The following OSGIN2 variants were observed in gnomAD, a reference collection of about 807,000 sequenced individuals.
OSGIN2 encodes the protein oxidative stress induced growth inhibitor family member 2.
In OSGIN2, 19 loss-of-function variants were observed where a neutral mutation model predicts 53.8. The observed-to-expected ratio is 0.35, with a 90% confidence interval of 0.25 to 0.52. The LOEUF (loss-of-function observed/expected upper bound fraction) is 0.52. Ranked by LOEUF, OSGIN2 falls within the 20% of genes least tolerant of loss-of-function variation. OSGIN2 has a pLI of 0.95. For missense variants in OSGIN2, 520 were observed against 662.7 expected (o/e 0.78, Z 2.36); for synonymous variants, 236 against 236.0 (o/e 1.00, Z 0.00).
At position 89,925,490 on chromosome 8, in the gene OSGIN2, G is replaced by A. The variant is rs1361204428; in HGVS notation, c.1608G>A (p.Lys536=). ...GTTTAGCTACAAGACAGAAGAAAAAGCATTTGTTTGTTGAAAGAGGAGGAG... is the reference window on the plus strand; with the variant it reads ...GTTTAGCTACAAGACAGAAGAAAAAACATTTGTTTGTTGAAAGAGGAGGAG... ...TRCLATRQKK[K]HLFVERGGGD... Residue 536 remains lysine, a synonymous_variant, in exon 6 of 6, where the codon AAG becomes AAA. Coordinates refer to ENST00000451899, the MANE Select transcript of OSGIN2 (RefSeq NM_001126111.3). 1 of 1,613,998 alleles carries A rather than the reference G, an allele frequency of 6.2e-7. No individual in the cohort carries two copies. The highest frequency in any genetic ancestry group is 1.1e-5 in the South Asian group (1 of 91,076).
intron 4 of OSGIN2, among the ~76,000 whole-genome samples, chr8:89,917,767 T>C (rs1167964975): frequency 1.3e-5 from 2 of 152,194 alleles, no homozygotes; most frequent in Non-Finnish European, 2.9e-5. Context: ...TACACATTGA[T>C]GCAAATTCTT....
chr8:89,906,144 C>T (rs1333437724), intron 1 of OSGIN2, among the ~76,000 whole-genome samples: 1 of 152,168 alleles, frequency 6.6e-6, no homozygotes, highest in Non-Finnish European at 1.5e-5. Context: ...AAACATGTGT[C>T]ATGGGAGTTT....
intron 4 of OSGIN2, among the ~76,000 whole-genome samples, chr8:89,917,261 A>G (rs1408667874): frequency 6.6e-6 from 1 of 152,164 alleles, no homozygotes; most frequent in Non-Finnish European, 1.5e-5. Flanking sequence ...TCAACTTGTA[A>G]AAACCTAAAT....
chr8:89,914,489 C>T (rs898272818), intron 3 of OSGIN2, 66 bp from the exon 4 acceptor site: 3 of 1,203,224 alleles, frequency 2.5e-6, no homozygotes, highest in African/African-American at 3.0e-5. Flanking sequence ...TCATGGTAAG[C>T]ATTAGAATAT....
rs1038313936 is a variant in OSGIN2 at position 89,914,833 on chromosome 8, T to C, written c.528+87T>C. The C allele has an allele frequency of 3.3e-6, 3 of 907,428 alleles. No individual in the cohort carries two copies. In the Admixed American group the frequency reaches 6.4e-5, roughly 19 times the overall value. 56.2% of individuals were successfully genotyped at this position (907,428 alleles called of 1,614,324 possible). On this transcript the variant is annotated intron_variant, in intron 4 of 5. Coordinates refer to ENST00000451899, the MANE Select transcript of OSGIN2 (RefSeq NM_001126111.3). ...TTATTCTTAAGCATTATGATAATGT[T>C]ATATGTGATGTTTATCACATTTTTA...
intron 1 of OSGIN2, among the ~76,000 whole-genome samples, chr8:89,904,617 G>A (rs1808796666): frequency 6.6e-6 from 1 of 151,910 alleles, no homozygotes; most frequent in South Asian, 2.1e-4. Flanking sequence ...GTCAGTTCAG[G>A]TCATCCTGGC....
chr8:89,919,514 C>A (rs185767230), intron 4 of OSGIN2, among the ~76,000 whole-genome samples: 102 of 152,304 alleles, frequency 6.7e-4, no homozygotes, highest in African/African-American at 2.4e-3. Flanking sequence ...CTCATGGTTA[C>A]ACTGGTATAG....
rs1395974831 is a variant in OSGIN2 at position 89,927,330 on chromosome 8, C to G, written c.*1798C>G. 6.6e-6 allele frequency: 1 copy of G among 151,088 alleles called. No homozygotes were observed. The highest frequency in any genetic ancestry group is 1.9e-4 in the East Asian group (1 of 5,164). The allele number at this position is 151,088 out of a possible 1,614,324, so 9.4% of individuals were successfully genotyped here. A position where few individuals can be genotyped will look rare whatever the true frequency, so the allele number is the denominator to read the frequency against. The stretch of plus-strand genomic sequence containing the variant: ...AAAGACTTCAAGAAAAATAAAAGTT[C>G]AGTGGAGCTGCAAATAAATCTGGTG... On this transcript the variant is annotated 3_prime_UTR_variant, in exon 6 of 6. Transcript: ENST00000451899.
In OSGIN2 at chr8:89,926,424, T is replaced by C. The variant is rs1047076198; in HGVS notation, c.*892T>C. On this transcript the variant is annotated 3_prime_UTR_variant, in exon 6 of 6. Coordinates refer to ENST00000451899, the MANE Select transcript of OSGIN2 (RefSeq NM_001126111.3). ...TATCCCTGTGTGAACATTGAATTACTTTCTGTCACTGAAACTGAGGTATTT... is the reference window on the plus strand; with the variant it reads ...TATCCCTGTGTGAACATTGAATTACCTTCTGTCACTGAAACTGAGGTATTT... 6.6e-6 allele frequency: 1 copy of C among 152,662 alleles called. No individual in the cohort carries two copies. The highest frequency in any genetic ancestry group is 1.5e-5 in the Non-Finnish European group (1 of 68,018). The allele number at this position is 152,662 out of a possible 1,614,324, so 9.5% of individuals were successfully genotyped here. A position where few individuals can be genotyped will look rare whatever the true frequency, so the allele number is the denominator to read the frequency against.
intron 1 of OSGIN2, among the ~76,000 whole-genome samples, 198 bp downstream of exon 1, chr8:89,903,035 T>G (rs1808759400): frequency 6.6e-6 from 1 of 152,184 alleles, no homozygotes; most frequent in South Asian, 2.1e-4. Context: ...AGCCCTGCGC[T>G]GTTCCCTTTT....
Position 89,927,123 on chromosome 8 carries a change from C to T in OSGIN2, c.*1591C>T, listed in dbSNP as rs1809352463. 2 of 152,032 alleles carry T rather than the reference C, an allele frequency of 1.3e-5. No homozygotes were observed. The highest frequency in any genetic ancestry group is 4.1e-4 in the South Asian group (2 of 4,824). 9.4% of individuals were successfully genotyped at this position (152,032 alleles called of 1,614,324 possible). On this transcript the variant is annotated 3_prime_UTR_variant, in exon 6 of 6. Transcript: ENST00000451899. The stretch of plus-strand genomic sequence containing the variant: ...ACTTGCTTCAGTACTCTCTTGCCTG[C>T]CTGTTTTTGACCTCTGCATGAGTTG...
In OSGIN2 at chr8:89,925,624, G is replaced by T; in HGVS notation, c.*92G>T. The T allele has an allele frequency of 1.1e-6, 1 of 921,252 alleles. No individual in the cohort carries two copies. The highest frequency in any genetic ancestry group is 1.8e-5 in the South Asian group (1 of 56,724). 57.1% of individuals were successfully genotyped at this position (921,252 alleles called of 1,614,324 possible). A position where few individuals can be genotyped will look rare whatever the true frequency, so the allele number is the denominator to read the frequency against. On this transcript the variant is annotated 3_prime_UTR_variant, in exon 6 of 6. Coordinates refer to ENST00000451899, the MANE Select transcript of OSGIN2 (RefSeq NM_001126111.3). ...GTACTGGCTTGAATTTTCTGGACTT[G>T]AGTTAACTGAAGGAGAGCCTCAAAC...
chr8:89,911,168 T>C (rs1808959231), intron 2 of OSGIN2, among the ~76,000 whole-genome samples: 1 of 152,216 alleles, frequency 6.6e-6, no homozygotes, highest in South Asian at 2.1e-4. Context: ...TCTTTCATTG[T>C]CATGTCTCCC....
rs912491280 is a variant in OSGIN2, at chr8:89,927,045, T to C, written c.*1513T>C. On this transcript the variant is annotated 3_prime_UTR_variant, in exon 6 of 6. Coordinates refer to ENST00000451899, the MANE Select transcript of OSGIN2 (RefSeq NM_001126111.3). The stretch of plus-strand genomic sequence containing the variant: ...CAGTTTTAGTTTTCTATTGTGATAA[T>C]AACTTTTTTCAAACCAGTTTCACAT... 5 of 152,226 alleles carry C rather than the reference T, an allele frequency of 3.3e-5. No individual in the cohort carries two copies. Among genetic ancestry groups the C allele is most frequent in the African/African-American group, 4.8e-5 (2 of 41,472 alleles). The allele number at this position is 152,226 out of a possible 1,614,324, so 9.4% of individuals were successfully genotyped here.
At position 89,924,544 on chromosome 8, in the gene OSGIN2, G is replaced by A. The variant is rs749844272; in HGVS notation, c.662G>A (p.Arg221His). 6.0e-5 allele frequency: 96 copies of A among 1,612,318 alleles called. No homozygotes were observed. The highest frequency in any genetic ancestry group is 1.5e-4 in the Admixed American group (9 of 59,634). Residue 221 changes from arginine (R) to histidine (H), a missense_variant, in exon 6 of 6, where the codon CGC (arginine) becomes CAC (histidine). Transcript: ENST00000451899. ...CGAGTTATGCCAGAGGAAATAGCTCGCTACTATAAACATTATGTAAAAGTC... is the reference window on the plus strand; with the variant it reads ...CGAGTTATGCCAGAGGAAATAGCTCACTACTATAAACATTATGTAAAAGTC... ...GDRVMPEEIA[R>H]YYKHYVKVMG...
intron 5 of OSGIN2, among the ~76,000 whole-genome samples, chr8:89,924,165 AAGT>A (rs1268459674): frequency 1.4e-4 from 21 of 152,294 alleles, no homozygotes; most frequent in South Asian, 1.0e-3. Context: ...TTGTGAGATA[AAGT>A]AGTCCAATTT....
intron 4 of OSGIN2, among the ~76,000 whole-genome samples, chr8:89,918,237 G>T (rs1177255268): frequency 6.6e-6 from 1 of 152,072 alleles, no homozygotes; most frequent in Non-Finnish European, 1.5e-5. Context: ...TGAATCTTCA[G>T]TCTCCTTGTT....
intron 1 of OSGIN2, 36 bp downstream of exon 1, chr8:89,902,873 G>A: frequency 7.5e-7 from 1 of 1,334,006 alleles, no homozygotes. Flanking sequence ...GGGAGCAGGC[G>A]GGGATGCCGC....
chr8:89,919,665 C>T (rs1052280923), intron 4 of OSGIN2, among the ~76,000 whole-genome samples: 5 of 152,140 alleles, frequency 3.3e-5, no homozygotes, highest in African/African-American at 9.7e-5. Context: ...GTTGGAACAA[C>T]GCAGGCCTGC....
Sources: allele counts gnomAD v4.1 joint callset (sites outside exome capture counted in the v4.1 genomes callset), GRCh38; gene constraint gnomAD v4.1.1; transcripts MANE v1.5; gene names NCBI Gene and HGNC (gene_info 2026-07-23, HGNC 2026-07-21).